The following SH3KBP1 variants were observed in gnomAD, a reference collection of about 807,000 sequenced individuals.
SH3KBP1 encodes SH3 domain-containing kinase-binding protein 1.
A neutral mutation model predicts 50.1 loss-of-function variants in SH3KBP1; 8 were observed. That is an observed-to-expected ratio of 0.16 (90% CI 0.09 to 0.29). SH3KBP1 has a LOEUF of 0.29. SH3KBP1 is among the 10% of genes least tolerant of loss of function. The pLI, the probability that SH3KBP1 is intolerant of heterozygous loss-of-function variation, is 1.00. For synonymous variants in SH3KBP1, 227 were observed against 218.6 expected (o/e 1.04, Z -0.34); for missense variants, 377 against 535.2 (o/e 0.70, Z 2.92).
intron 12 of SH3KBP1, chrX:19,588,260 A>G (rs1602574933): frequency 1.1e-6 from 1 of 901,216 alleles, no homozygotes; most frequent in East Asian, 3.5e-5. Context: ...CACATGAGAT[A>G]TACATACTTG....
chrX:19,837,353 C>T (rs764059458), intron 1 of SH3KBP1, among the ~76,000 whole-genome samples: 9 of 111,968 alleles, frequency 8.0e-5, no homozygotes, highest in Non-Finnish European at 1.7e-4. Flanking sequence ...TGACAAAGTG[C>T]CAATGCAAAT....
chrX:19,683,116 A>T (rs934594662), intron 6 of SH3KBP1, among the ~76,000 whole-genome samples: 3 of 111,460 alleles, frequency 2.7e-5, no homozygotes, highest in African/African-American at 9.8e-5. Context: ...ACTCCTAAGC[A>T]AGGCTACAAT....
intron 1 of SH3KBP1, among the ~76,000 whole-genome samples, chrX:19,846,737 AC>A (rs1174784456): frequency 1.8e-5 from 2 of 110,773 alleles, no homozygotes; most frequent in African/African-American, 3.3e-5. Context: ...ATCGCTCCCC[AC>A]CCCCCAACAC....
At chrX:19,742,398 G>C (rs1419382325) in intron 3 of SH3KBP1, among the ~76,000 whole-genome samples, 1 of 111,494 alleles carries the variant, frequency 9.0e-6, no homozygotes, top group African/African-American at 3.3e-5. Flanking sequence ...ACTGTGTCCA[G>C]CTTGATTTTT....
chrX:19,590,809 A>AAT (rs2066724499), intron 11 of SH3KBP1, among the ~76,000 whole-genome samples: 2 of 23,763 alleles, frequency 8.4e-5, no homozygotes, highest in Non-Finnish European at 1.5e-4. Flanking sequence ...AGGCCTGGCT[A>AAT]TTTTTTTTTT....
chrX:19,583,854 G>A (rs992172033), intron 12 of SH3KBP1, among the ~76,000 whole-genome samples: 4 of 100,076 alleles, frequency 4.0e-5, no homozygotes, highest in African/African-American at 1.4e-4. Flanking sequence ...TAACACATAT[G>A]TATATATTTG....
chrX:19,770,358 C>T (rs1429974229), intron 2 of SH3KBP1, among the ~76,000 whole-genome samples: 1 of 112,127 alleles, frequency 8.9e-6, no homozygotes, highest in Non-Finnish European at 1.9e-5. Context: ...CGTGTTCCCA[C>T]AAAAGACATG....
At chrX:19,578,660 T>A (rs2066276609) in intron 12 of SH3KBP1, among the ~76,000 whole-genome samples, 1 of 111,914 alleles carries the variant, frequency 8.9e-6, no homozygotes, top group South Asian at 3.7e-4. Flanking sequence ...TGAGCATCCG[T>A]GTGCACAGGT....
chrX:19,736,906 CTTTT>C, intron 3 of SH3KBP1, among the ~76,000 whole-genome samples: 1 of 96,387 alleles, frequency 1.0e-5, no homozygotes, highest in Non-Finnish European at 2.1e-5. Context: ...CCTCTAATTA[CTTTT>C]TTTTTTTTTT....
At chrX:19,798,881 A>T (rs981193555) in intron 2 of SH3KBP1, among the ~76,000 whole-genome samples, 20 of 112,376 alleles carry the variant, frequency 1.8e-4, no homozygotes, top group Non-Finnish European at 3.8e-4. Flanking sequence ...TCATTACTTT[A>T]AACAATCCAG....
In SH3KBP1 at chrX:19,548,825, AAG is replaced by A. The variant is rs61301072; in HGVS notation, c.1494+1147_1494+1148del. Among the ~76,000 whole-genome samples the A allele has an allele frequency of 2.7e-3, 281 of 102,380 alleles. 2 individuals are homozygous for A. The highest frequency in any genetic ancestry group is 9.0e-3 in the African/African-American group (249 of 27,541). 88.9% of individuals were successfully genotyped at this position (102,380 alleles called of 115,157 possible). A position where few individuals can be genotyped will look rare whatever the true frequency, so the allele number is the denominator to read the frequency against. On this transcript the variant is annotated intron_variant, in intron 14 of 17. Transcript: ENST00000397821. ...CAAGGCAATGTGCTATATGGAAATA[AAG>A]AGAGAGAGAGAGAGAGAGAAATCGA...
chrX:19,728,211 A>G (rs1484524178), intron 3 of SH3KBP1, among the ~76,000 whole-genome samples: 1 of 111,727 alleles, frequency 9.0e-6, no homozygotes, highest in Non-Finnish European at 1.9e-5. Context: ...TATTTGCATT[A>G]TACTTGCCAG....
At chrX:19,840,519 T>C (rs2068189705) in intron 1 of SH3KBP1, among the ~76,000 whole-genome samples, 1 of 112,374 alleles carries the variant, frequency 8.9e-6, no homozygotes. Context: ...CACGTCTCTA[T>C]AGAACAGAAT....
At chrX:19,757,304 TA>T (rs1160862159) in intron 2 of SH3KBP1, among the ~76,000 whole-genome samples, 8 of 109,943 alleles carry the variant, frequency 7.3e-5, no homozygotes, top group Non-Finnish European at 1.5e-4. Context: ...GATGAAAAAC[TA>T]CATGCCTACC....
At chrX:19,548,825 A>AGAGAG (rs1555980606) in intron 14 of SH3KBP1, among the ~76,000 whole-genome samples, 1,882 of 102,458 alleles carry the variant, frequency 0.018, 46 homozygotes, top group African/African-American at 0.064. Flanking sequence ...TATGGAAATA[A>AGAGAG]AGAGAGAGAG....
intron 12 of SH3KBP1, among the ~76,000 whole-genome samples, chrX:19,585,361 T>C (rs1009420449): frequency 2.7e-5 from 3 of 111,990 alleles, no homozygotes; most frequent in Non-Finnish European, 3.8e-5. Flanking sequence ...GCCACTACCA[T>C]ATGCTCGACA....
intron 4 of SH3KBP1, among the ~76,000 whole-genome samples, chrX:19,700,104 G>A (rs954199298): frequency 9.0e-6 from 1 of 111,521 alleles, no homozygotes; most frequent in Non-Finnish European, 1.9e-5. Context: ...GGGTTAGGGG[G>A]ATGCACCCAG....
At chrX:19,618,974 G>A (rs1486447738) in intron 8 of SH3KBP1, among the ~76,000 whole-genome samples, 16 of 68,789 alleles carry the variant, frequency 2.3e-4, no homozygotes, top group Admixed American at 3.3e-4. Flanking sequence ...CTTAAAAAAC[G>A]AACAAAAAAA....
chrX:19,695,774 A>G (rs746975899), intron 4 of SH3KBP1, 33 bp from the exon 5 acceptor site: 1 of 1,204,306 alleles, frequency 8.3e-7, no homozygotes, highest in Admixed American at 2.2e-5. Context: ...GCAGAGATAC[A>G]TGGGTCAGGT....
Sources: gnomAD v4.1 joint callset for allele counts (sites outside exome capture counted in the v4.1 genomes callset) on GRCh38, gnomAD v4.1.1 for gene constraint, MANE v1.5 for transcripts, NCBI Gene and HGNC (gene_info 2026-07-23, HGNC 2026-07-21) for gene names.